Variants in COX7B2 observed in about 807,000 individuals in gnomAD.
The protein encoded by COX7B2 is cytochrome c oxidase subunit 7B2.
For missense variants in COX7B2, 109 were observed against 95.9 expected (o/e 1.14, Z -0.57); for synonymous variants, 37 against 32.1 (o/e 1.15, Z -0.51).
At position 46,833,066 on chromosome 4, in the gene COX7B2, C is replaced by T. The variant is rs368768472; in HGVS notation, c.-50+11894G>A. On this transcript the variant is annotated intron_variant, in intron 2 of 2. Coordinates refer to ENST00000355591, the MANE Select transcript of COX7B2 (RefSeq NM_130902.3). Reference sequence around the variant, plus strand: ...GATTACAAGCATGTACCACGGTGCCCGGCTAATTTTGTATTTTTAGTAGAG... The same window carrying T: ...GATTACAAGCATGTACCACGGTGCCTGGCTAATTTTGTATTTTTAGTAGAG... 8.6e-4 allele frequency among the ~76,000 whole-genome samples: 131 copies of T among 152,128 alleles called. 1 individual carries two copies. The highest frequency in any genetic ancestry group is 2.8e-3 in the African/African-American group (117 of 41,502).
chr4:46,784,561 G>C (rs1028448654), intron 2 of COX7B2, among the ~76,000 whole-genome samples: 4 of 152,116 alleles, frequency 2.6e-5, no homozygotes, highest in Non-Finnish European at 5.9e-5. Flanking sequence ...GGAGGCGGAG[G>C]TTGCAGTGAG....
chr4:46,826,071 A>G (rs1336113115), intron 2 of COX7B2, among the ~76,000 whole-genome samples: 1 of 152,090 alleles, frequency 6.6e-6, no homozygotes, highest in Admixed American at 6.6e-5. Context: ...GCAAAAGAAA[A>G]TATTGACAGT....
intron 1 of COX7B2, among the ~76,000 whole-genome samples, chr4:46,848,763 G>A (rs1716466008): frequency 6.6e-6 from 1 of 151,836 alleles, no homozygotes; most frequent in African/African-American, 2.4e-5. Flanking sequence ...AATATATATG[G>A]TGTGTGTTTG....
At chr4:46,851,705 T>C (rs1716697688) in intron 1 of COX7B2, among the ~76,000 whole-genome samples, 1 of 152,136 alleles carries the variant, frequency 6.6e-6, no homozygotes, top group African/African-American at 2.4e-5. Context: ...TTTTCTTTAA[T>C]GACCTAGATA....
chr4:46,808,953 C>A (rs1313783567), intron 2 of COX7B2, among the ~76,000 whole-genome samples: 1 of 151,778 alleles, frequency 6.6e-6, no homozygotes, highest in Non-Finnish European at 1.5e-5. Flanking sequence ...AGGATTTTTG[C>A]ATCACTGTTC....
chr4:46,736,103 A>G (rs1033802247), intron 2 of COX7B2, among the ~76,000 whole-genome samples: 2 of 152,204 alleles, frequency 1.3e-5, no homozygotes, highest in Non-Finnish European at 2.9e-5. Context: ...ATGTATAATG[A>G]CATGTATCCA....
chr4:46,764,224 T>A (rs1304625051), intron 2 of COX7B2, among the ~76,000 whole-genome samples: 1 of 152,222 alleles, frequency 6.6e-6, no homozygotes, highest in Non-Finnish European at 1.5e-5. Flanking sequence ...GCTATCCATT[T>A]AATAACATTT....
At chr4:46,839,903 G>A (rs931419620) in intron 2 of COX7B2, among the ~76,000 whole-genome samples, 7 of 151,986 alleles carry the variant, frequency 4.6e-5, no homozygotes, top group Non-Finnish European at 1.0e-4. Context: ...GTGGGGAGGT[G>A]AGAAACTTAT....
intron 2 of COX7B2, among the ~76,000 whole-genome samples, chr4:46,754,220 C>T (rs1031002533): frequency 4.6e-5 from 7 of 151,862 alleles, no homozygotes; most frequent in African/African-American, 1.7e-4. Flanking sequence ...TAGGTATATA[C>T]CCAAAGGATT....
At chr4:46,908,629 T>C (rs1720548321) in intron 1 of COX7B2, among the ~76,000 whole-genome samples, 1 of 151,988 alleles carries the variant, frequency 6.6e-6, no homozygotes, top group South Asian at 2.1e-4. Context: ...TTCCTTTTAA[T>C]TTTCCTTTTA....
intron 1 of COX7B2, among the ~76,000 whole-genome samples, chr4:46,881,894 T>C (rs1416773036): frequency 1.3e-5 from 2 of 152,188 alleles, no homozygotes; most frequent in African/African-American, 2.4e-5. Context: ...TGTTACACTG[T>C]TAACCTGAGG....
intron 1 of COX7B2, chr4:46,876,694 C>T (rs954339121): frequency 6.6e-6 from 1 of 152,114 alleles, no homozygotes; most frequent in South Asian, 2.1e-4. Context: ...GCATGAGCCA[C>T]CGCGCCCGGC....
intron 1 of COX7B2, among the ~76,000 whole-genome samples, chr4:46,850,621 T>C (rs1478657467): frequency 6.6e-6 from 1 of 152,102 alleles, no homozygotes; most frequent in Non-Finnish European, 1.5e-5. Context: ...AGTGAACACA[T>C]TGTTAGCCTG....
At chr4:46,898,347 TATC>T (rs1397570846) in intron 1 of COX7B2, among the ~76,000 whole-genome samples, 12 of 152,180 alleles carry the variant, frequency 7.9e-5, no homozygotes, top group Non-Finnish European at 2.9e-5. Flanking sequence ...TAGATGCTCT[TATC>T]ATTTACTCTT....
intron 2 of COX7B2, among the ~76,000 whole-genome samples, chr4:46,832,388 A>G (rs1178170944): frequency 3.3e-5 from 5 of 152,188 alleles, no homozygotes; most frequent in Non-Finnish European, 7.3e-5. Context: ...TCTTAAAGTC[A>G]GTGAGACCAA....
chr4:46,803,732 C>CTTTTTTTTTTTTTTTTT (rs5858039), intron 2 of COX7B2, among the ~76,000 whole-genome samples: 4 of 123,286 alleles, frequency 3.2e-5, no homozygotes, highest in African/African-American at 6.2e-5. Flanking sequence ...GGTTTACTTT[C>CTTTTTTTTTTTTTTTTT]TTTTTTTTTT....
intron 2 of COX7B2, among the ~76,000 whole-genome samples, chr4:46,836,483 T>C (rs1183947197): frequency 1.3e-5 from 2 of 152,008 alleles, no homozygotes; most frequent in Non-Finnish European, 2.9e-5. Context: ...CACTGGAAGA[T>C]CTTCAGAAGC....
chr4:46,815,163 G>A (rs930092464), intron 2 of COX7B2, among the ~76,000 whole-genome samples: 3 of 148,318 alleles, frequency 2.0e-5, no homozygotes, highest in South Asian at 2.1e-4. Context: ...GCGACAGATC[G>A]AGACTCTGTC....
At chr4:46,875,617 T>A (rs1047233278) in intron 1 of COX7B2, among the ~76,000 whole-genome samples, 4 of 151,896 alleles carry the variant, frequency 2.6e-5, no homozygotes, top group African/African-American at 9.7e-5. Context: ...AAAAGGCCCA[T>A]ACTCCCTACA....
Sources: allele counts gnomAD v4.1 joint callset (sites outside exome capture counted in the v4.1 genomes callset), GRCh38; gene constraint gnomAD v4.1.1; transcripts MANE v1.5; gene names NCBI Gene and HGNC (gene_info 2026-07-23, HGNC 2026-07-21).